The following AGAP1 variants were observed in gnomAD, a reference collection of about 807,000 sequenced individuals.
AGAP1 encodes ArfGAP with GTPase domain, ankyrin repeat and PH domain 1.
A neutral mutation model predicts 105.3 loss-of-function variants in AGAP1; 29 were observed. The observed-to-expected ratio is 0.28, with a 90% CI of 0.21 to 0.38. The LOEUF (loss-of-function observed/expected upper bound fraction) is 0.38, where lower values mean the gene tolerates loss of function less well. Among genes scored for constraint, AGAP1 ranks in the 10% least tolerant of loss-of-function variants. AGAP1 has a pLI of 1.00. For missense variants in AGAP1, 998 were observed against 1,165.1 expected, an observed-to-expected ratio of 0.86 and a Z score of 2.09; for synonymous variants, 509 against 485.9, an observed-to-expected ratio of 1.05 and a Z score of -0.63.
chr2:235,498,958 G>GATGGGTCAGGGTTCCCCA (rs1941442637), intron 1 of AGAP1, among the ~76,000 whole-genome samples: 1 of 152,226 alleles, frequency 6.6e-6, no homozygotes, highest in Non-Finnish European at 1.5e-5. Context: ...GACCTGGGAA[G>GATGGGTCAGGGTTCCCCA]ATGGGTCAGG....
At chr2:235,822,606 A>G (rs1958856477) in intron 9 of AGAP1, among the ~76,000 whole-genome samples, 1 of 150,226 alleles carries the variant, frequency 6.7e-6, no homozygotes, top group African/African-American at 2.5e-5. Context: ...AAGCTTGGGA[A>G]TGGGGAGAAG....
At chr2:235,811,735 C>T (rs560224558) in intron 9 of AGAP1, among the ~76,000 whole-genome samples, 6 of 152,296 alleles carry the variant, frequency 3.9e-5, no homozygotes, top group African/African-American at 1.2e-4. Context: ...GGGCCGCCCC[C>T]GGCCCGGCCC....
At chr2:235,999,769 T>A (rs1451449961) in intron 13 of AGAP1, among the ~76,000 whole-genome samples, 2 of 147,172 alleles carry the variant, frequency 1.4e-5, no homozygotes, top group African/African-American at 5.4e-5. Context: ...GATTATGATG[T>A]TGTTGGGAGC....
chr2:236,049,597 G>A (rs757761949), intron 16 of AGAP1: 18 of 188,960 alleles, frequency 9.5e-5, no homozygotes, highest in South Asian at 4.9e-4. Context: ...AAGCTGTGCC[G>A]TTAACACTAA....
At chr2:235,857,965 G>T (rs558086369) in intron 9 of AGAP1, among the ~76,000 whole-genome samples, 66 of 152,206 alleles carry the variant, frequency 4.3e-4, no homozygotes, top group African/African-American at 1.6e-3. Flanking sequence ...TGATCTTGGG[G>T]GATTTTCATT....
Position 236,079,759 on chromosome 2 carries a change from G to A in AGAP1, c.2114+30478G>A, listed in dbSNP as rs115691757. On this transcript the variant is annotated intron_variant, in intron 16 of 17. Coordinates refer to ENST00000304032, the MANE Select transcript of AGAP1 (RefSeq NM_001037131.3). ...GGACAGGGAAGGGGGTGGTACAGAC[G>A]GAGGGAACCCCCATGCAAAGGTATA... Among the ~76,000 whole-genome samples, 1,462 of 152,116 alleles carry A rather than the reference G, an allele frequency of 9.6e-3. 24 individuals are homozygous for A. The highest frequency in any genetic ancestry group is 0.033 in the African/African-American group (1,367 of 41,480).
intron 1 of AGAP1, among the ~76,000 whole-genome samples, chr2:235,605,693 C>T (rs1195899287): frequency 1.3e-5 from 2 of 152,222 alleles, no homozygotes; most frequent in Admixed American, 6.5e-5. Flanking sequence ...ACAGGGAGGT[C>T]TTTGAAGAGG....
At position 235,569,024 on chromosome 2, in the gene AGAP1, A is replaced by G. The variant is rs370480593; in HGVS notation, c.163+74175A>G. 3.8e-4 allele frequency among the ~76,000 whole-genome samples: 58 copies of G among 152,364 alleles called. No homozygotes were observed. Among genetic ancestry groups the G allele is most frequent in the African/African-American group, 1.3e-3 (55 of 41,580 alleles). On this transcript the variant is annotated intron_variant, in intron 1 of 17. Coordinates refer to ENST00000304032, the MANE Select transcript of AGAP1 (RefSeq NM_001037131.3). This position sits in a 1 kb window ranked among gnomAD's most constrained non-coding sequence, Gnocchi z 5.9. ...ACACCAGCAAAGTTCCTTTTGCCATATAAGGATATGGCAGCGTATTCATAG... is the reference window on the plus strand; with the variant it reads ...ACACCAGCAAAGTTCCTTTTGCCATGTAAGGATATGGCAGCGTATTCATAG...
At chr2:235,726,171 G>A (rs1450576678) in intron 3 of AGAP1, among the ~76,000 whole-genome samples, 1 of 152,202 alleles carries the variant, frequency 6.6e-6, no homozygotes, top group African/African-American at 2.4e-5. Flanking sequence ...ATAAGTAACT[G>A]TGATGCAGGG....
chr2:236,010,685 T>G (rs1038620023), intron 13 of AGAP1, among the ~76,000 whole-genome samples: 1 of 152,206 alleles, frequency 6.6e-6, no homozygotes, highest in Non-Finnish European at 1.5e-5. Context: ...GACTGCCTCA[T>G]GAATTCAGTT....
At chr2:235,978,853 G>A (rs1337995401) in intron 13 of AGAP1, among the ~76,000 whole-genome samples, 1 of 152,072 alleles carries the variant, frequency 6.6e-6, no homozygotes, top group Non-Finnish European at 1.5e-5. Context: ...CAGGAGGCCT[G>A]TTGTGTTGTG....
In AGAP1 at chr2:236,044,618, A is replaced by G. The variant is rs1254411108; in HGVS notation, c.1891+3777A>G. 2.0e-5 allele frequency among the ~76,000 whole-genome samples: 3 copies of G among 151,988 alleles called. No homozygotes were observed. Among genetic ancestry groups the G allele is most frequent in the Non-Finnish European group, 4.4e-5 (3 of 68,002 alleles). On this transcript the variant is annotated intron_variant, in intron 15 of 17. Transcript: ENST00000304032. The surrounding 1 kb of genome is among the most constrained non-coding windows in gnomAD (Gnocchi z 5.7). ...CAAGAGGGGACTGGCACCCACCACT[A>G]CCACCAGATAGCTCACCACAACCTA...
At position 236,046,308 on chromosome 2, in the gene AGAP1, C is replaced by T. The variant is rs1053867669; in HGVS notation, c.1892-2751C>T. Among the ~76,000 whole-genome samples the T allele has an allele frequency of 3.3e-5, 5 of 151,978 alleles. No individual in the cohort carries two copies. Among genetic ancestry groups the T allele is most frequent in the Non-Finnish European group, 5.9e-5 (4 of 67,994 alleles). ...GGTGGTGTGACATGATCAGAGATGC[C>T]GTGTTCAGTGGGGCCCTGGCTGCTG... On this transcript the variant is annotated intron_variant, in intron 15 of 17. Coordinates refer to ENST00000304032, the MANE Select transcript of AGAP1 (RefSeq NM_001037131.3). The surrounding 1 kb of genome is among the most constrained non-coding windows in gnomAD (Gnocchi z 5.2).
chr2:235,504,170 A>G (rs540151850), intron 1 of AGAP1, among the ~76,000 whole-genome samples: 1 of 152,244 alleles, frequency 6.6e-6, no homozygotes, highest in Admixed American at 6.5e-5. Flanking sequence ...TTGACACATA[A>G]CAGAGAAAGG....
intron 16 of AGAP1, among the ~76,000 whole-genome samples, chr2:236,086,982 A>T (rs1025568278): frequency 1.3e-5 from 2 of 151,898 alleles, no homozygotes; most frequent in African/African-American, 4.8e-5. Flanking sequence ...GGGGGAAAAA[A>T]GTTTTGGCAA....
intron 16 of AGAP1, among the ~76,000 whole-genome samples, chr2:236,111,253 G>A (rs1289733388): frequency 6.6e-6 from 1 of 152,162 alleles, no homozygotes; most frequent in African/African-American, 2.4e-5. Flanking sequence ...GATCCCAGCT[G>A]AGCGTGGTAG....
rs2056187305 is a variant in AGAP1, at chr2:236,002,993, G to C, written c.1646-33568G>C. ...TTGTTTTGCTCACCGAGAAAAAGAA[G>C]ACTCGGGAACCACAGAACTAACACA... On this transcript the variant is annotated intron_variant, in intron 13 of 17. Transcript: ENST00000304032. This position sits in a 1 kb window ranked among gnomAD's most constrained non-coding sequence, Gnocchi z 4.3. Among the ~76,000 whole-genome samples the C allele has an allele frequency of 2.0e-5, 3 of 152,070 alleles. No individual in the cohort carries two copies. The highest frequency in any genetic ancestry group is 4.4e-5 in the Non-Finnish European group (3 of 68,024).
At chr2:235,917,828 G>T (rs2051973781) in intron 11 of AGAP1, among the ~76,000 whole-genome samples, 1 of 152,150 alleles carries the variant, frequency 6.6e-6, no homozygotes, top group South Asian at 2.1e-4. Flanking sequence ...GGTACTTAAG[G>T]ATACATTATC....
chr2:235,969,947 A>T (rs2054572626), intron 13 of AGAP1, among the ~76,000 whole-genome samples: 1 of 152,150 alleles, frequency 6.6e-6, no homozygotes, highest in East Asian at 1.9e-4. Context: ...CACGCCTGTA[A>T]TCCCAGCACT....
Sources: gnomAD v4.1 joint callset for allele counts (sites outside exome capture counted in the v4.1 genomes callset) on GRCh38, gnomAD v4.1.1 for gene constraint, Gnocchi (gnomAD v3.1) non-coding constraint, MANE v1.5 for transcripts, NCBI Gene and HGNC (gene_info 2026-07-23, HGNC 2026-07-21) for gene names.